CEP68: variants seen among roughly 807,000 people sequenced by gnomAD.
The protein encoded by CEP68 is centrosomal protein 68.
A neutral mutation model predicts 55.3 loss-of-function variants in CEP68; 26 were observed. The ratio of observed to expected loss-of-function variants is 0.47; its 90% CI spans 0.34 to 0.65. CEP68 has a LOEUF of 0.65. Among genes scored for constraint, CEP68 ranks in the 30% least tolerant of loss-of-function variants. The pLI is 0.01. For missense variants in CEP68, 957 were observed against 946.7 expected, an observed-to-expected ratio of 1.01 and a Z score of -0.14; for synonymous variants, 402 against 383.2, an observed-to-expected ratio of 1.05 and a Z score of -0.57.
intron 4 of CEP68, chr2:65,074,883 C>T (rs2723091): frequency 0.3 from 66,671 of 221,750 alleles, 10,598 homozygotes; most frequent in South Asian, 0.39. Flanking sequence ...ACTATTATGA[C>T]GCCTCTAGTT....
intron 4 of CEP68, chr2:65,074,786 T>G (rs1166998215): frequency 3.9e-6 from 1 of 255,108 alleles, no homozygotes; most frequent in Non-Finnish European, 7.6e-6. Context: ...CAAAAAAAAG[T>G]TTTTTCTTAA....
In CEP68 at chr2:65,071,664, G is replaced by A. The variant is rs779357447; in HGVS notation, c.568G>A (p.Ala190Thr). ...QWKSVLSPGS[A>T]AQPSSCSISA... Reference sequence around the variant, plus strand: ...GAAGTCCGTGCTGAGCCCAGGTTCCGCAGCTCAGCCTTCCAGCTGCAGCAT... The same window carrying A: ...GAAGTCCGTGCTGAGCCCAGGTTCCACAGCTCAGCCTTCCAGCTGCAGCAT... The change falls in exon 3 of 7, where the codon GCA (alanine) becomes ACA (threonine). Residue 190 changes from alanine (A) to threonine (T), a missense_variant. Coordinates refer to ENST00000377990, the MANE Select transcript of CEP68 (RefSeq NM_015147.3). The A allele has an allele frequency of 5.0e-6, 8 of 1,614,030 alleles. No individual in the cohort carries two copies. The Admixed American group carries it at 8.3e-5, about 17-fold the overall frequency.
rs999488724 is a variant in CEP68 at position 65,084,418 on chromosome 2, G to A, written c.*784G>A. On this transcript the variant is annotated 3_prime_UTR_variant, in exon 7 of 7. Coordinates refer to ENST00000377990, the MANE Select transcript of CEP68 (RefSeq NM_015147.3). ...AAGAGCAGTCCAGGCTCAGGGAAGGGAACGGATAGGATGACACAGTAAGTA... is the reference window on the plus strand; with the variant it reads ...AAGAGCAGTCCAGGCTCAGGGAAGGAAACGGATAGGATGACACAGTAAGTA... 6.6e-6 allele frequency: 1 copy of A among 151,994 alleles called. No homozygotes were observed. The highest frequency in any genetic ancestry group is 1.5e-5 in the Non-Finnish European group (1 of 68,030). 9.4% of individuals were successfully genotyped at this position (151,994 alleles called of 1,614,324 possible).
At chr2:65,061,780 C>T (rs1303559703) in intron 1 of CEP68, among the ~76,000 whole-genome samples, 1 of 152,256 alleles carries the variant, frequency 6.6e-6, no homozygotes, top group Non-Finnish European at 1.5e-5. Flanking sequence ...CCTCAGTCAC[C>T]TTTTGTGACT....
At chr2:65,068,438 G>A (rs533468861) in intron 1 of CEP68, among the ~76,000 whole-genome samples, 1 of 152,136 alleles carries the variant, frequency 6.6e-6, no homozygotes, top group Non-Finnish European at 1.5e-5. Flanking sequence ...CACACATGCT[G>A]TGTTACACTT....
In CEP68 at chr2:65,079,148, G is replaced by A. The variant is rs188397353; in HGVS notation, c.2104+1184G>A. Among the ~76,000 whole-genome samples, 15 of 152,294 alleles carry A rather than the reference G, an allele frequency of 9.8e-5. No individual in the cohort carries two copies. The East Asian group carries it at 1.2e-3, about 12-fold the overall frequency. On this transcript the variant is annotated intron_variant, in intron 5 of 6. Transcript: ENST00000377990. ...GGATTTATACTGGAATACAACCGCC[G>A]AAGCAAAGCTGGGCAGGTCCCACGG...
intron 1 of CEP68, among the ~76,000 whole-genome samples, chr2:65,060,488 G>C (rs774614431): frequency 6.6e-6 from 1 of 152,118 alleles, no homozygotes; most frequent in African/African-American, 2.4e-5. Context: ...CCAGCATTTT[G>C]GGAGGCCAAG....
At chr2:65,062,192 C>T (rs1675942266) in intron 1 of CEP68, among the ~76,000 whole-genome samples, 1 of 152,192 alleles carries the variant, frequency 6.6e-6, no homozygotes, top group African/African-American at 2.4e-5. Context: ...ACAGAGCTCC[C>T]TGGGCAAAGT....
intron 1 of CEP68, 58 bp from the exon 2 acceptor site, chr2:65,069,341 C>T: frequency 5.4e-6 from 5 of 932,954 alleles, no homozygotes; most frequent in Non-Finnish European, 7.9e-6. Flanking sequence ...AAGAGCAAGA[C>T]TTCCTGAACA....
chr2:65,070,234 A>G (rs371328534), intron 2 of CEP68, among the ~76,000 whole-genome samples: 205 of 152,260 alleles, frequency 1.3e-3, no homozygotes, highest in Middle Eastern at 0.01. Flanking sequence ...CCCAAGGGAC[A>G]TGTCAGAACC....
At chr2:65,060,781 G>C (rs1675874576) in intron 1 of CEP68, among the ~76,000 whole-genome samples, 2 of 152,196 alleles carry the variant, frequency 1.3e-5, no homozygotes, top group Non-Finnish European at 2.9e-5. Context: ...TGTTACACAT[G>C]GACACTCTGC....
In CEP68 at chr2:65,072,470, G is replaced by A; in HGVS notation, c.1374G>A (p.Gln458=). ...PRPEREKRTS[Q]SARRPTCTES... ...CAGAGAGGGAGAAGAGGACCAGCCA[G>A]AGTGCCCGGCGCCCTACCTGCACAG... The change falls in exon 3 of 7, where the codon CAG becomes CAA. Residue 458 remains glutamine (Q), a synonymous_variant. Transcript: ENST00000377990. The A allele has an allele frequency of 6.2e-7, 1 of 1,614,108 alleles. No homozygotes were observed. Among genetic ancestry groups the A allele is most frequent in the Non-Finnish European group, 8.5e-7 (1 of 1,180,028 alleles).
chr2:65,067,397 GT>G (rs1275686436), intron 1 of CEP68, among the ~76,000 whole-genome samples: 1 of 152,016 alleles, frequency 6.6e-6, no homozygotes, highest in Non-Finnish European at 1.5e-5. Flanking sequence ...GGGAACAAAA[GT>G]GGGGGAAGGA....
intron 4 of CEP68, among the ~76,000 whole-genome samples, chr2:65,076,812 A>G (rs1389077785): frequency 1.3e-5 from 2 of 152,056 alleles, no homozygotes; most frequent in African/African-American, 4.8e-5. Flanking sequence ...GGTGGCTCAT[A>G]CCTGTAATCC....
rs1439215163 is a variant in CEP68, at chr2:65,072,594, G to A, written c.1498G>A (p.Gly500Arg). 6 of 1,614,092 alleles carry A rather than the reference G, an allele frequency of 3.7e-6. No homozygotes were observed. The highest frequency in any genetic ancestry group is 5.1e-6 in the Non-Finnish European group (6 of 1,180,004). The change falls in exon 3 of 7, where the codon GGA becomes AGA. Residue 500 changes from glycine (G) to arginine (R), a missense_variant. Coordinates refer to ENST00000377990, the MANE Select transcript of CEP68 (RefSeq NM_015147.3). ...GGTTTCTAGCCTGGTTTCGTATCTA[G>A]GATCCATTTCTACCTTGGTTACCCT... ...TQVSSLVSYL[G>R]SISTLVTLPT...
chr2:65,069,250 G>A (rs1450246124), intron 1 of CEP68, 149 bp from the exon 2 acceptor site: 2 of 483,012 alleles, frequency 4.1e-6, no homozygotes, highest in Non-Finnish European at 3.7e-6. Context: ...GGAAAAGCCG[G>A]AACTCGGTGC....
chr2:65,056,732 G>A (rs1319599987), intron 1 of CEP68, among the ~76,000 whole-genome samples: 1 of 152,074 alleles, frequency 6.6e-6, no homozygotes, highest in East Asian at 1.9e-4. Context: ...GGCGCCTCGT[G>A]CCTTCGCCTC....
At chr2:65,073,319 A>G in intron 3 of CEP68, 1 of 371,686 alleles carries the variant, frequency 2.7e-6, no homozygotes, top group East Asian at 6.8e-5. Context: ...ATTCTGAACA[A>G]AAAAGGTTTT....
intron 1 of CEP68, among the ~76,000 whole-genome samples, chr2:65,062,236 C>T (rs757507349): frequency 1.2e-4 from 18 of 152,172 alleles, no homozygotes; most frequent in Non-Finnish European, 2.5e-4. Context: ...AGGGAGCTCA[C>T]GACTTAAAGA....
Sources: allele counts gnomAD v4.1 joint callset (sites outside exome capture counted in the v4.1 genomes callset), GRCh38; gene constraint gnomAD v4.1.1; transcripts MANE v1.5; gene names NCBI Gene and HGNC (gene_info 2026-07-23, HGNC 2026-07-21).